RNFT2: variants seen among roughly 807,000 people sequenced by gnomAD.
The protein encoded by RNFT2 is ring finger protein, transmembrane 2.
In RNFT2, 36 loss-of-function variants were observed where a neutral mutation model predicts 53.0. The ratio of observed to expected loss-of-function variants is 0.68; its 90% CI spans 0.52 to 0.90. The LOEUF (loss-of-function observed/expected upper bound fraction) is 0.90. RNFT2 is among the 40% of genes least tolerant of loss of function. The probability of loss-of-function intolerance (pLI) is 0.00; values close to 1 mark genes in which losing one functional copy is unlikely to be tolerated. For synonymous variants in RNFT2, 260 were observed against 253.2 expected (o/e 1.03, Z -0.26); for missense variants, 514 against 585.6 (o/e 0.88, Z 1.26).
intron 6 of RNFT2, among the ~76,000 whole-genome samples, chr12:116,771,304 A>G (rs1873163925): frequency 6.6e-6 from 1 of 151,696 alleles, no homozygotes. Flanking sequence ...TACAAAAAAT[A>G]CAAAAATTAG....
chr12:116,785,458 A>AT, intron 7 of RNFT2, among the ~76,000 whole-genome samples: 1 of 152,032 alleles, frequency 6.6e-6, no homozygotes, highest in East Asian at 1.9e-4. Flanking sequence ...AGCCTGGCTA[A>AT]TTTTTTAATT....
At chr12:116,837,475 CG>C (rs1565874734) in intron 10 of RNFT2, among the ~76,000 whole-genome samples, 2 of 151,864 alleles carry the variant, frequency 1.3e-5, no homozygotes, top group Admixed American at 6.6e-5. Context: ...GAAAGGCTTA[CG>C]GGTAGGGGGA....
At position 116,740,325 on chromosome 12, in the gene RNFT2, A is replaced by G; in HGVS notation, c.-153-20A>G. On this transcript the variant is annotated intron_variant, in intron 1 of 10. Transcript: ENST00000257575. ...AAGGTATCGCAGGGACTGTTCATCC[A>G]GGTGTTCTGTTCCATCCAGGTTTGG... The G allele has an allele frequency of 1.6e-6, 1 of 616,866 alleles. No homozygotes were observed. The allele number at this position is 616,866 out of a possible 1,614,324, so 38.2% of individuals were successfully genotyped here.
chr12:116,794,146 T>C (rs1245336690), intron 7 of RNFT2, among the ~76,000 whole-genome samples: 10 of 152,118 alleles, frequency 6.6e-5, no homozygotes, highest in Admixed American at 5.9e-4. Context: ...GCACCTGCAG[T>C]CCCAGCTATT....
chr12:116,740,628 G>GGA, intron 2 of RNFT2, 107 bp downstream of exon 2: 6 of 1,029,834 alleles, frequency 5.8e-6, no homozygotes, highest in African/African-American at 1.6e-5. Flanking sequence ...GTAACACATG[G>GGA]GGAATCTGAA....
intron 6 of RNFT2, among the ~76,000 whole-genome samples, chr12:116,768,409 C>T (rs1034663446): frequency 3.9e-5 from 6 of 152,046 alleles, no homozygotes; most frequent in African/African-American, 1.2e-4. Context: ...CCCAGTTTGG[C>T]CTTTTATATT....
chr12:116,841,802 TATAAATATATATATAA>T (rs1877280329), intron 10 of RNFT2, among the ~76,000 whole-genome samples: 3 of 94,238 alleles, frequency 3.2e-5, no homozygotes, highest in East Asian at 2.7e-4. Context: ...TAAATATATA[TATAAATATATATATAA>T]AAATATATAT....
At chr12:116,747,565 A>G (rs1158246065) in intron 3 of RNFT2, among the ~76,000 whole-genome samples, 1 of 152,020 alleles carries the variant, frequency 6.6e-6, no homozygotes, top group Non-Finnish European at 1.5e-5. Flanking sequence ...AGATGATATG[A>G]GATCAAGTAT....
At chr12:116,831,651 A>AAG (rs1300520092) in intron 7 of RNFT2, among the ~76,000 whole-genome samples, 13 of 152,096 alleles carry the variant, frequency 8.5e-5, no homozygotes, top group African/African-American at 3.1e-4. Flanking sequence ...TTGTTAGAGT[A>AAG]AAGATTATAC....
chr12:116,831,752 CAT>C (rs1423756828), intron 7 of RNFT2, among the ~76,000 whole-genome samples: 6 of 151,910 alleles, frequency 3.9e-5, no homozygotes, highest in Non-Finnish European at 8.8e-5. Context: ...GTAAACTGCA[CAT>C]GTTAGGAGTG....
chr12:116,815,769 C>T (rs1875622217), intron 7 of RNFT2, among the ~76,000 whole-genome samples: 1 of 152,136 alleles, frequency 6.6e-6, no homozygotes. Flanking sequence ...GGGGCGGGGG[C>T]ATTATTCAGC....
At chr12:116,744,667 A>G (rs1219878923) in intron 3 of RNFT2, among the ~76,000 whole-genome samples, 4 of 152,180 alleles carry the variant, frequency 2.6e-5, no homozygotes, top group Non-Finnish European at 4.4e-5. Context: ...TCTGGCGCTT[A>G]AGTGGTTAAG....
chr12:116,749,962 A>G lies in RNFT2; in HGVS notation c.205A>G (p.Thr69Ala). 6.4e-7 allele frequency: 1 copy of G among 1,563,716 alleles called. No homozygotes were observed. Among genetic ancestry groups the G allele is most frequent in the Non-Finnish European group, 8.7e-7 (1 of 1,154,012 alleles). The change falls in exon 4 of 11, where the codon ACC becomes GCC. Residue 69 changes from threonine (T) to alanine (A), a missense_variant. Physicochemically the swap from Thr to Ala is moderately conservative, Grantham distance 58 (BLOSUM62 0). This residue lies in a region of RNFT2 where 237 missense variants were observed against 235.1 expected (regional missense o/e 1.01). Coordinates refer to ENST00000257575, the MANE Select transcript of RNFT2 (RefSeq NM_001382266.1). The stretch of plus-strand genomic sequence containing the variant: ...CTCGGGCTTATCAGGCAGCCTCCCC[A>G]CCAGCTCGTTCCCCTCCAGCCTGGT... ...LFSGLSGSLPTSSFPSSLVLG... is the reference protein window; with the variant it reads ...LFSGLSGSLPASSFPSSLVLG...
intron 7 of RNFT2, among the ~76,000 whole-genome samples, chr12:116,832,143 A>AT (rs1400656558): frequency 0.016 from 1,379 of 84,640 alleles, 31 homozygotes; most frequent in African/African-American, 0.045. Flanking sequence ...AAAAAAAAAA[A>AT]AAAAAATATA....
chr12:116,800,861 A>AATAAAATAAAATAAAATAAAAT (rs1555207184), intron 7 of RNFT2, among the ~76,000 whole-genome samples: 1 of 141,226 alleles, frequency 7.1e-6, no homozygotes, highest in African/African-American at 2.8e-5. Flanking sequence ...AATAAAATAA[A>AATAAAATAAAATAAAATAAAAT]AACCATTTAA....
Position 116,835,908 on chromosome 12 carries a change from G to T in RNFT2, c.1033-52G>T, listed in dbSNP as rs916412064. ...GATGGGGTGGGGTGATTGTGCAGGG[G>T]TCACGAGTGATCCTTGGGTACATTT... On this transcript the variant is annotated intron_variant, in intron 8 of 10. Transcript: ENST00000257575. The T allele has an allele frequency of 3.1e-6, 5 of 1,601,390 alleles. No homozygotes were observed. In the African/African-American group the frequency reaches 6.7e-5, roughly 21 times the overall value.
At chr12:116,776,612 C>G (rs536444940) in intron 6 of RNFT2, among the ~76,000 whole-genome samples, 6 of 152,294 alleles carry the variant, frequency 3.9e-5, no homozygotes, top group African/African-American at 1.2e-4. Context: ...TAACCCAGAC[C>G]AATCCGTTCT....
At chr12:116,792,695 C>T (rs1433516180) in intron 7 of RNFT2, among the ~76,000 whole-genome samples, 2 of 152,056 alleles carry the variant, frequency 1.3e-5, no homozygotes, top group East Asian at 3.9e-4. Flanking sequence ...CACAGCCTTC[C>T]CTTGCCTGTC....
intron 7 of RNFT2, among the ~76,000 whole-genome samples, chr12:116,829,406 C>T (rs1450808703): frequency 2.6e-5 from 4 of 152,068 alleles, no homozygotes; most frequent in African/African-American, 9.7e-5. Context: ...TTCTGGGGCT[C>T]AGGGACTGGT....
Sources: allele counts gnomAD v4.1 joint callset (sites outside exome capture counted in the v4.1 genomes callset), GRCh38; gene constraint gnomAD v4.1.1; regional missense constraint gnomAD v4.1.1; transcripts MANE v1.5; gene names NCBI Gene and HGNC (gene_info 2026-07-23, HGNC 2026-07-21).